TBC1D13: variants seen among roughly 807,000 people sequenced by gnomAD.
TBC1D13 encodes the protein epididymis secretory sperm binding protein.
A neutral mutation model predicts 53.6 loss-of-function variants in TBC1D13; 40 were observed. The observed-to-expected ratio is 0.75, with a 90% CI of 0.58 to 0.97. The LOEUF is 0.97. Among genes scored for constraint, TBC1D13 ranks in the 50% least tolerant of loss-of-function variants. The pLI is 0.00. For synonymous variants in TBC1D13, 182 were observed against 197.7 expected (o/e 0.92, Z 0.67); for missense variants, 377 against 499.4 (o/e 0.75, Z 2.34).
At chr9:128,807,707 C>A in intron 11 of TBC1D13, 107 bp from the exon 12 acceptor site, 1 of 1,189,320 alleles carries the variant, frequency 8.4e-7, no homozygotes, top group Non-Finnish European at 1.3e-6. Flanking sequence ...TGCTCCTGCC[C>A]CTGAGGCCCA....
At chr9:128,807,435 G>C (rs1159739293) in intron 11 of TBC1D13, among the ~76,000 whole-genome samples, 1 of 152,170 alleles carries the variant, frequency 6.6e-6, no homozygotes, top group Non-Finnish European at 1.5e-5. Flanking sequence ...AAAAAGTGCA[G>C]AATCACAGTG....
At chr9:128,790,257 C>CAAAAAAAA (rs10658153) in intron 2 of TBC1D13, among the ~76,000 whole-genome samples, 1 of 107,954 alleles carries the variant, frequency 9.3e-6, no homozygotes, top group Non-Finnish European at 1.8e-5. Flanking sequence ...ACTTTGTCTC[C>CAAAAAAAA]AAAAAAAAAA....
intron 6 of TBC1D13, among the ~76,000 whole-genome samples, chr9:128,796,305 A>G (rs1197649099): frequency 6.6e-6 from 1 of 151,564 alleles, no homozygotes; most frequent in Admixed American, 6.6e-5. Context: ...GCTGGAGTGC[A>G]ATGGCACGAT....
intron 7 of TBC1D13, among the ~76,000 whole-genome samples, chr9:128,801,825 G>A (rs954552385): frequency 4.9e-4 from 73 of 148,596 alleles, no homozygotes; most frequent in Middle Eastern, 3.5e-3. Flanking sequence ...GCAGTGGCAC[G>A]ATCTCCACTT....
chr9:128,799,130 A>T (rs373455899), intron 7 of TBC1D13, among the ~76,000 whole-genome samples: 7 of 152,196 alleles, frequency 4.6e-5, no homozygotes, highest in East Asian at 3.8e-4. Flanking sequence ...AGATTGCGTG[A>T]CTAGATAACC....
At chr9:128,804,822 A>G (rs957220684) in intron 9 of TBC1D13, among the ~76,000 whole-genome samples, 1 of 137,646 alleles carries the variant, frequency 7.3e-6, no homozygotes, top group African/African-American at 2.7e-5. Context: ...TCCGCCTCCC[A>G]GGTTCAAGCA....
At chr9:128,792,626 T>A in intron 6 of TBC1D13, 52 bp downstream of exon 6, 1 of 1,511,406 alleles carries the variant, frequency 6.6e-7, no homozygotes, top group Non-Finnish European at 9.1e-7. Context: ...TCTGGGGCTC[T>A]CTGCAGCTCT....
At chr9:128,800,692 C>A (rs2132546137) in intron 7 of TBC1D13, among the ~76,000 whole-genome samples, 1 of 151,958 alleles carries the variant, frequency 6.6e-6, no homozygotes, top group South Asian at 2.1e-4. Flanking sequence ...TTCAAACATT[C>A]AGGAAAGTTG....
In TBC1D13 at chr9:128,803,319, G is replaced by T; in HGVS notation, c.613G>T (p.Glu205Ter). The T allele has an allele frequency of 6.2e-7, 1 of 1,614,242 alleles. No individual in the cohort carries two copies. The highest frequency in any genetic ancestry group is 1.1e-5 in the South Asian group (1 of 91,092). Residue 205 changes from glutamate to a stop codon, truncating the protein, a stop_gained, in exon 8 of 12, where the codon GAG (glutamate) becomes TAG (stop). Coordinates refer to ENST00000372648, the MANE Select transcript of TBC1D13 (RefSeq NM_018201.5). LOFTEE classifies it high-confidence loss of function. The stretch of plus-strand genomic sequence containing the variant: ...GTATGAGGTGCTGCCCAATGGCTGT[G>T]AGGCCCACTGGGAGGTGGTGGAGCG... ...NEYEVLPNGC[E>*]AHWEVVERIL...
chr9:128,795,970 A>T (rs1289176120), intron 6 of TBC1D13, among the ~76,000 whole-genome samples: 2 of 151,728 alleles, frequency 1.3e-5, no homozygotes, highest in African/African-American at 2.4e-5. Context: ...ATGACACTTT[A>T]AAAAAAAAGT....
In TBC1D13 at chr9:128,806,268, A is replaced by T; in HGVS notation, c.1094A>T (p.Gln365Leu). The T allele has an allele frequency of 6.2e-7, 1 of 1,614,162 alleles. No individual in the cohort carries two copies. The highest frequency in any genetic ancestry group is 8.5e-7 in the Non-Finnish European group (1 of 1,180,040). ...CCAMLMLIRE[Q>L]LLEGDFTVNM... Reference sequence around the variant, plus strand: ...GCTTTTCATAGGCTGATCCGGGAGCAGTTGCTGGAAGGGGACTTCACTGTG... The same window carrying T: ...GCTTTTCATAGGCTGATCCGGGAGCTGTTGCTGGAAGGGGACTTCACTGTG... Residue 365 changes from glutamine to leucine, a missense_variant, in exon 11 of 12, where the codon CAG becomes CTG. Gln to Leu is a moderately radical substitution (Grantham distance 113). Transcript: ENST00000372648.
At chr9:128,799,590 T>C (rs1046406904) in intron 7 of TBC1D13, among the ~76,000 whole-genome samples, 2 of 152,234 alleles carry the variant, frequency 1.3e-5, no homozygotes, top group Non-Finnish European at 2.9e-5. Flanking sequence ...TGCCAACACC[T>C]AATGTTAGAC....
intron 1 of TBC1D13, among the ~76,000 whole-genome samples, chr9:128,787,800 T>C (rs1342258495): frequency 6.6e-6 from 1 of 152,094 alleles, no homozygotes; most frequent in Non-Finnish European, 1.5e-5. Flanking sequence ...TCCTGCAGCA[T>C]TGGCTGAATT....
chr9:128,796,931 A>G (rs1396026076), intron 6 of TBC1D13, 124 bp from the exon 7 acceptor site: 3 of 1,079,284 alleles, frequency 2.8e-6, no homozygotes, highest in Admixed American at 4.1e-5. Flanking sequence ...GCAAGACTCC[A>G]TCTCAAAAAC....
At chr9:128,806,109 G>T (rs1321479635) in intron 10 of TBC1D13, 90 bp downstream of exon 10, 8 of 1,585,706 alleles carry the variant, frequency 5.0e-6, no homozygotes, top group African/African-American at 2.7e-5. Flanking sequence ...GGGTGGGCAG[G>T]GCTGCTCTTT....
intron 6 of TBC1D13, among the ~76,000 whole-genome samples, chr9:128,796,824 T>C (rs992100237): frequency 4.6e-5 from 7 of 151,840 alleles, no homozygotes; most frequent in African/African-American, 1.5e-4. Context: ...TAGTCCCAGC[T>C]ACTTGGGAGA....
Position 128,790,789 on chromosome 9 carries a change from G to A in TBC1D13, c.138+14G>A. ...CTCTGCTGGAAGGTGGGTGTGCCTG[G>A]GGTGGGGCTTCTGCTCTGCTGAGAG... is the stretch of plus-strand genomic sequence containing the variant. On this transcript the variant is annotated intron_variant, in intron 3 of 11. Transcript: ENST00000372648. The A allele has an allele frequency of 6.4e-7, 1 of 1,558,846 alleles. No individual in the cohort carries two copies. The highest frequency in any genetic ancestry group is 8.6e-7 in the Non-Finnish European group (1 of 1,161,540).
intron 8 of TBC1D13, 69 bp from the exon 9 acceptor site, chr9:128,803,887 T>G: frequency 6.3e-7 from 1 of 1,586,952 alleles, no homozygotes; most frequent in Non-Finnish European, 8.6e-7. Context: ...GCAGGGCAGA[T>G]GTCTGGTAGG....
chr9:128,801,108 G>C (rs1829724969), intron 7 of TBC1D13, among the ~76,000 whole-genome samples: 1 of 152,096 alleles, frequency 6.6e-6, no homozygotes, highest in African/African-American at 2.4e-5. Context: ...AGGAGACAGA[G>C]TTGCAGTGAG....
Sources: allele counts gnomAD v4.1 joint callset (sites outside exome capture counted in the v4.1 genomes callset), GRCh38; gene constraint gnomAD v4.1.1; transcripts MANE v1.5; gene names NCBI Gene and HGNC (gene_info 2026-07-23, HGNC 2026-07-21).